The following NEMP2 variants were observed in gnomAD, a reference collection of about 807,000 sequenced individuals.
NEMP2 encodes the protein nuclear envelope integral membrane protein 2.
Under a neutral mutation model 54.2 loss-of-function variants are expected in NEMP2, and 53 were observed. The observed-to-expected ratio is 0.98, with a 90% CI of 0.78 to 1.23. The LOEUF (loss-of-function observed/expected upper bound fraction) is 1.23. NEMP2 is among the 50% of genes most tolerant of loss of function. The probability of loss-of-function intolerance (pLI) is 0.00; values close to 1 mark genes in which losing one functional copy is unlikely to be tolerated. For synonymous variants in NEMP2, 197 were observed against 190.3 expected (o/e 1.04, Z -0.29); for missense variants, 455 against 511.3 (o/e 0.89, Z 1.06).
chr2:190,537,727 A>G (rs1321336534), upstream of NEMP2, among the ~76,000 whole-genome samples: 1 of 152,210 alleles, frequency 6.6e-6, no homozygotes, highest in East Asian at 1.9e-4. Context: ...TGCAATAGAA[A>G]AGGAAAACCC....
chr2:190,468,036 A>G, the NEMP2 span, among the ~76,000 whole-genome samples: 3 of 152,222 alleles, frequency 2.0e-5, no homozygotes, highest in African/African-American at 7.2e-5. Flanking sequence ...TAGAATTTGT[A>G]AAAGGAGGCA....
the NEMP2 span, among the ~76,000 whole-genome samples, chr2:190,444,101 T>C: frequency 6.6e-6 from 1 of 152,238 alleles, no homozygotes; most frequent in African/African-American, 2.4e-5. Context: ...AGTTAATCAG[T>C]ACTAGAAAAT....
chr2:190,506,574 T>C lies in NEMP2; in HGVS notation c.*2615A>G, dbSNP rs962385522. 1.3e-5 allele frequency: 2 copies of C among 152,254 alleles called. No individual in the cohort carries two copies. The highest frequency in any genetic ancestry group is 2.4e-5 in the African/African-American group (1 of 41,468). The allele number at this position is 152,254 out of a possible 1,614,324, so 9.4% of individuals were successfully genotyped here. On this transcript the variant is annotated 3_prime_UTR_variant, in exon 9 of 9. Transcript: ENST00000409150. The surrounding 1 kb of genome is among the most constrained non-coding windows in gnomAD (Gnocchi z 6.3). Reference sequence around the variant, plus strand: ...TCATAAATTGAAATATTGTCCTTCATGTCAGATGGACATTCCCCTGTAATT... The same window carrying C: ...TCATAAATTGAAATATTGTCCTTCACGTCAGATGGACATTCCCCTGTAATT...
At chr2:190,567,618 C>T in the NEMP2 span, among the ~76,000 whole-genome samples, 4 of 152,038 alleles carry the variant, frequency 2.6e-5, no homozygotes, top group East Asian at 7.7e-4. This position sits in a 1 kb window ranked among gnomAD's most constrained non-coding sequence, Gnocchi z 4.0. Context: ...AAGCAATGAA[C>T]GATGCCTTAA....
In NEMP2 at chr2:190,520,574, C is replaced by T. The variant is rs539698918; in HGVS notation, c.214-1391G>A. Among the ~76,000 whole-genome samples the T allele has an allele frequency of 6.6e-6, 1 of 152,288 alleles. No individual in the cohort carries two copies. The highest frequency in any genetic ancestry group is 1.5e-5 in the Non-Finnish European group (1 of 68,022). ...GACTTTGGCTTCTGGCTCACTGTGG[C>T]TCTCTCTTCAATACCACTTCCTGTC... On this transcript the variant is annotated intron_variant, in intron 2 of 8. Transcript: ENST00000409150. This position sits in a 1 kb window ranked among gnomAD's most constrained non-coding sequence, Gnocchi z 5.4.
At chr2:190,568,160 C>T in the NEMP2 span, 1 of 152,162 alleles carries the variant, frequency 6.6e-6, no homozygotes, top group Non-Finnish European at 1.5e-5. This position sits in a 1 kb window ranked among gnomAD's most constrained non-coding sequence, Gnocchi z 4.7. Context: ...GGGGATCTAT[C>T]ACCTTACAGA....
At chr2:190,434,224 T>C in the NEMP2 span, among the ~76,000 whole-genome samples, 1 of 150,210 alleles carries the variant, frequency 6.7e-6, no homozygotes, top group Non-Finnish European at 1.5e-5. This position sits in a 1 kb window ranked among gnomAD's most constrained non-coding sequence, Gnocchi z 4.3. Flanking sequence ...GTGAAAGGAA[T>C]TAACACATAT....
the NEMP2 span, among the ~76,000 whole-genome samples, chr2:190,464,330 G>A: frequency 6.6e-6 from 1 of 152,108 alleles, no homozygotes; most frequent in Non-Finnish European, 1.5e-5. Flanking sequence ...AATGCTTGTT[G>A]CCATCAGTCA....
At chr2:190,461,200 C>A in the NEMP2 span, among the ~76,000 whole-genome samples, 10 of 152,326 alleles carry the variant, frequency 6.6e-5, no homozygotes, top group South Asian at 2.1e-3. The surrounding 1 kb of genome is among the most constrained non-coding windows in gnomAD (Gnocchi z 5.5). Context: ...GGTTGAGAAC[C>A]ATGGGTCAGA....
the NEMP2 span, among the ~76,000 whole-genome samples, chr2:190,542,408 C>T: frequency 1.1e-4 from 17 of 152,136 alleles, no homozygotes; most frequent in African/African-American, 3.1e-4. This position sits in a 1 kb window ranked among gnomAD's most constrained non-coding sequence, Gnocchi z 4.6. Context: ...GACAAAATTT[C>T]GCCATGTTGG....
the NEMP2 span, among the ~76,000 whole-genome samples, chr2:190,579,170 T>C: frequency 2.0e-5 from 3 of 152,224 alleles, no homozygotes; most frequent in East Asian, 5.8e-4. Flanking sequence ...AACCCTACGA[T>C]AGTACTTCTG....
the NEMP2 span, among the ~76,000 whole-genome samples, chr2:190,632,554 G>A: frequency 6.6e-6 from 1 of 152,258 alleles, no homozygotes; most frequent in African/African-American, 2.4e-5. This position sits in a 1 kb window ranked among gnomAD's most constrained non-coding sequence, Gnocchi z 4.8. Context: ...GCCTTGGCCA[G>A]GTTACCCTGA....
chr2:190,453,972 G>A, the NEMP2 span: 2 of 152,184 alleles, frequency 1.3e-5, no homozygotes, highest in African/African-American at 4.8e-5. Flanking sequence ...ATATTTCACA[G>A]AGAAGATTCT....
the NEMP2 span, among the ~76,000 whole-genome samples, chr2:190,428,644 G>C: frequency 7.2e-6 from 1 of 138,942 alleles, no homozygotes; most frequent in African/African-American, 2.7e-5. Context: ...CAAACATTTA[G>C]AGATGCTTGC....
upstream of NEMP2, among the ~76,000 whole-genome samples, chr2:190,538,963 C>T (rs758120520): frequency 5.9e-5 from 9 of 152,054 alleles, no homozygotes; most frequent in Non-Finnish European, 1.2e-4. This position sits in a 1 kb window ranked among gnomAD's most constrained non-coding sequence, Gnocchi z 4.1. Flanking sequence ...CTTGTTAGCT[C>T]GATGTAATTC....
rs1691142326 is a variant in NEMP2 at position 190,531,475 on chromosome 2, C to T, written c.97+3084G>A. Among the ~76,000 whole-genome samples, 1 of 152,186 alleles carries T rather than the reference C, an allele frequency of 6.6e-6. No homozygotes were observed. Among genetic ancestry groups the T allele is most frequent in the African/African-American group, 2.4e-5 (1 of 41,440 alleles). On this transcript the variant is annotated intron_variant, in intron 1 of 8. Coordinates refer to ENST00000409150, the MANE Select transcript of NEMP2 (RefSeq NM_001142645.2). The surrounding 1 kb of genome is among the most constrained non-coding windows in gnomAD (Gnocchi z 4.7). Reference sequence around the variant, plus strand: ...AGGCTCTTTGATGCTTTCAATTAACCTGACTTCTAGAGAACAGTATATTTC... The same window carrying T: ...AGGCTCTTTGATGCTTTCAATTAACTTGACTTCTAGAGAACAGTATATTTC...
chr2:190,445,693 C>G, the NEMP2 span, among the ~76,000 whole-genome samples: 1 of 152,106 alleles, frequency 6.6e-6, no homozygotes, highest in South Asian at 2.1e-4. Flanking sequence ...TTTTTCCTCT[C>G]CTGGTACCTT....
chr2:190,556,138 T>C, the NEMP2 span, among the ~76,000 whole-genome samples: 1 of 152,222 alleles, frequency 6.6e-6, no homozygotes, highest in African/African-American at 2.4e-5. Flanking sequence ...CATGATCAAG[T>C]TGGCTTCATC....
At chr2:190,454,049 G>C in the NEMP2 span, 2 of 152,136 alleles carry the variant, frequency 1.3e-5, no homozygotes, top group Non-Finnish European at 2.9e-5. The surrounding 1 kb of genome is among the most constrained non-coding windows in gnomAD (Gnocchi z 4.6). Flanking sequence ...CCTTGTTTTA[G>C]TTTCCTGACC....
Sources: gnomAD v4.1 joint callset for allele counts (sites outside exome capture counted in the v4.1 genomes callset) on GRCh38, gnomAD v4.1.1 for gene constraint, Gnocchi (gnomAD v3.1) non-coding constraint, MANE v1.5 for transcripts, NCBI Gene and HGNC (gene_info 2026-07-23, HGNC 2026-07-21) for gene names.